The following LPP variants were observed in gnomAD, a reference collection of about 807,000 sequenced individuals.
LPP encodes the protein LIM domain containing preferred translocation partner in lipoma, also known as lipoma-preferred partner.
In LPP, 38 loss-of-function variants were observed where a neutral mutation model predicts 60.4. That is an observed-to-expected ratio of 0.63 (90% CI 0.49 to 0.83). LPP has a LOEUF of 0.83. Among genes scored for constraint, LPP ranks in the 40% least tolerant of loss-of-function variants. LPP has a pLI of 0.00. For synonymous variants in LPP, 328 were observed against 290.8 expected (o/e 1.13, Z -1.30); for missense variants, 902 against 783.6 (o/e 1.15, Z -1.80).
At chr3:188,842,571 A>C (rs1760308959) in intron 9 of LPP, among the ~76,000 whole-genome samples, 1 of 152,140 alleles carries the variant, frequency 6.6e-6, no homozygotes, top group Non-Finnish European at 1.5e-5. Context: ...GTGGGGTGTT[A>C]CTCAAGAAAT....
intron 4 of LPP, among the ~76,000 whole-genome samples, chr3:188,451,329 G>T (rs1796540985): frequency 6.6e-6 from 1 of 152,126 alleles, no homozygotes; most frequent in Admixed American, 6.5e-5. Context: ...CTATCTCTGG[G>T]ACTGTGGTCA....
At position 188,609,592 on chromosome 3, in the gene LPP, T is replaced by C. The variant is rs1241026987; in HGVS notation, c.861T>C (p.Tyr287=). The C allele has an allele frequency of 1.2e-6, 2 of 1,614,030 alleles. No individual in the cohort carries two copies. Among genetic ancestry groups the C allele is most frequent in the South Asian group, 1.1e-5 (1 of 91,082 alleles). Residue 287 remains tyrosine, a synonymous_variant, in exon 7 of 12, where the codon TAT becomes TAC. Transcript: ENST00000617246. The surrounding 1 kb of genome is among the most constrained non-coding windows in gnomAD (Gnocchi z 6.9). ...CAGGACTTCAGCCGGAGCCTGGGTA[T>C]GGGTATGCCCCCAACCAGGGACGCT... ...PPPGLQPEPG[Y]GYAPNQGRYY...
chr3:188,312,252 T>C (rs1409367540), intron 2 of LPP, among the ~76,000 whole-genome samples: 3 of 152,188 alleles, frequency 2.0e-5, no homozygotes, highest in Non-Finnish European at 4.4e-5. Context: ...GCATTTCTGT[T>C]ATTAGCGACT....
chr3:188,257,283 T>A (rs1347606817), intron 2 of LPP, among the ~76,000 whole-genome samples: 1 of 152,224 alleles, frequency 6.6e-6, no homozygotes, highest in Non-Finnish European at 1.5e-5. Flanking sequence ...AATGACTTCT[T>A]GAGGATGGGC....
chr3:188,365,614 A>G (rs182745915), intron 3 of LPP, among the ~76,000 whole-genome samples: 1 of 152,072 alleles, frequency 6.6e-6, no homozygotes, highest in Non-Finnish European at 1.5e-5. Flanking sequence ...GGCACAGGGA[A>G]CACTTGTTCC....
chr3:188,683,022 A>G (rs894960032), intron 7 of LPP, among the ~76,000 whole-genome samples: 3 of 152,186 alleles, frequency 2.0e-5, no homozygotes, highest in African/African-American at 7.2e-5. Flanking sequence ...AGGATCCTAA[A>G]TTAAAGCATG....
chr3:188,738,339 C>G (rs1253394984), intron 8 of LPP, among the ~76,000 whole-genome samples: 1 of 152,086 alleles, frequency 6.6e-6, no homozygotes, highest in Non-Finnish European at 1.5e-5. Context: ...GTATAATTTC[C>G]TCAGCAACTC....
intron 4 of LPP, among the ~76,000 whole-genome samples, chr3:188,420,366 TG>T (rs1459213483): frequency 1.3e-5 from 2 of 152,174 alleles, no homozygotes; most frequent in Non-Finnish European, 2.9e-5. Flanking sequence ...TTTTTACTAT[TG>T]AACTATAAGT....
intron 7 of LPP, among the ~76,000 whole-genome samples, chr3:188,670,148 A>G (rs1009517289): frequency 6.6e-6 from 1 of 152,214 alleles, no homozygotes; most frequent in African/African-American, 2.4e-5. Flanking sequence ...GAAATACCTA[A>G]TGTAGCTGAC....
chr3:188,511,151 GCCTCCCTC>G (rs1038728883), intron 5 of LPP, among the ~76,000 whole-genome samples: 1 of 99,696 alleles, frequency 1.0e-5, no homozygotes, highest in Non-Finnish European at 2.0e-5. Flanking sequence ...CTTCCTACCT[GCCTCCCTC>G]CCTCCCTCCT....
chr3:188,491,332 A>G (rs1243738371), intron 5 of LPP, among the ~76,000 whole-genome samples: 5 of 152,342 alleles, frequency 3.3e-5, no homozygotes, highest in African/African-American at 1.2e-4. Context: ...GAGTAGAGGT[A>G]GTGGACAGTG....
In LPP at chr3:188,609,112, G is replaced by T; in HGVS notation, c.430-49G>T. The T allele has an allele frequency of 7.6e-7, 1 of 1,318,324 alleles. No homozygotes were observed. The allele number at this position is 1,318,324 out of a possible 1,614,324, so 81.7% of individuals were successfully genotyped here. On this transcript the variant is annotated intron_variant, in intron 6 of 11. Coordinates refer to ENST00000617246, the MANE Select transcript of LPP (RefSeq NM_001375462.1). The surrounding 1 kb of genome is among the most constrained non-coding windows in gnomAD (Gnocchi z 6.9). ...TTATTCATTTTTATTGAGTTTCGTT[G>T]GCAGTAATTTTTGCTTTCTTTCTTT...
intron 8 of LPP, among the ~76,000 whole-genome samples, chr3:188,740,380 A>G (rs564580614): frequency 3.9e-5 from 6 of 152,150 alleles, no homozygotes; most frequent in Admixed American, 3.3e-4. Context: ...CATATTCTCT[A>G]TTGGAGCATA....
chr3:188,414,376 G>A (rs774716877), intron 4 of LPP, among the ~76,000 whole-genome samples: 25 of 152,008 alleles, frequency 1.6e-4, no homozygotes, highest in Non-Finnish European at 3.4e-4. Context: ...TGTGGATTAG[G>A]GTTGCTTAGC....
At chr3:188,597,613 T>C (rs1024335535) in intron 6 of LPP, among the ~76,000 whole-genome samples, 5 of 152,114 alleles carry the variant, frequency 3.3e-5, no homozygotes, top group Non-Finnish European at 7.4e-5. Context: ...ACTTTTAAAA[T>C]TAGATTGAAC....
intron 6 of LPP, chr3:188,584,313 T>C (rs1836915131): frequency 6.6e-6 from 1 of 152,160 alleles, no homozygotes; most frequent in South Asian, 2.1e-4. Flanking sequence ...AGAGAATTTG[T>C]AGGCGGGTGA....
chr3:188,802,629 A>C (rs1747628738), intron 9 of LPP, among the ~76,000 whole-genome samples: 1 of 152,090 alleles, frequency 6.6e-6, no homozygotes, highest in East Asian at 1.9e-4. Context: ...CTAAAAATAC[A>C]AAAATTAGCT....
At chr3:188,621,331 G>T (rs1053823861) in intron 7 of LPP, among the ~76,000 whole-genome samples, 1 of 151,978 alleles carries the variant, frequency 6.6e-6, no homozygotes. Context: ...CTTCCTCCCC[G>T]TCTGGTAGTC....
At chr3:188,753,992 A>T (rs777325242) in intron 8 of LPP, among the ~76,000 whole-genome samples, 2 of 152,360 alleles carry the variant, frequency 1.3e-5, no homozygotes, top group South Asian at 2.1e-4. Flanking sequence ...GCTAAATGGC[A>T]ATAACCATAG....
Sources: allele counts gnomAD v4.1 joint callset (sites outside exome capture counted in the v4.1 genomes callset), GRCh38; gene constraint gnomAD v4.1.1; non-coding constraint Gnocchi (gnomAD v3.1); transcripts MANE v1.5; gene names NCBI Gene and HGNC (gene_info 2026-07-23, HGNC 2026-07-21).